The following KRT13 variants were observed in gnomAD, a reference collection of about 807,000 sequenced individuals.
KRT13 encodes keratin 13, also known as keratin, type I cytoskeletal 13.
In KRT13, 27 loss-of-function variants were observed where a neutral mutation model predicts 40.6. The observed-to-expected ratio is 0.67, with a 90% CI of 0.49 to 0.92. The LOEUF (loss-of-function observed/expected upper bound fraction) is 0.92. KRT13 is among the 40% of genes least tolerant of loss of function. The pLI, the probability that KRT13 is intolerant of heterozygous loss-of-function variation, is 0.00. For synonymous variants in KRT13, 266 were observed against 240.3 expected, an observed-to-expected ratio of 1.11 and a Z score of -0.99; for missense variants, 605 against 611.5, an observed-to-expected ratio of 0.99 and a Z score of 0.11.
In KRT13 at chr17:41,502,828, G is replaced by A. The variant is rs867148482; in HGVS notation, c.898-16C>T. 1 of 1,614,184 alleles carries A rather than the reference G, an allele frequency of 6.2e-7. No homozygotes were observed. The highest frequency in any genetic ancestry group is 2.2e-5 in the East Asian group (1 of 44,882). ...GCTCTGCACTCTGAAATGCAAGCAG[G>A]AAGAAGGTGGTGGGGAAGCTCAGCT... On this transcript the variant is annotated splice_polypyrimidine_tract_variant and intron_variant, in intron 4 of 7. Coordinates refer to ENST00000246635, the MANE Select transcript of KRT13 (RefSeq NM_153490.3).
rs886295292 is a variant in KRT13, at chr17:41,501,271, A to G, written c.1362T>C (p.Asp454=). The change falls in exon 8 of 8, where the codon GAT becomes GAC. Residue 454 remains aspartate (D), a synonymous_variant. Transcript: ENST00000246635. ...CCAGGCAGATTTAAGGCCTACGGACATCAGAAGTGCGGCGACCAGAGGCAT... is the reference window on the plus strand; with the variant it reads ...CCAGGCAGATTTAAGGCCTACGGACGTCAGAAGTGCGGCGACCAGAGGCAT... ...TSNASGRRTS[D]VRRP 2 of 1,566,240 alleles carry G rather than the reference A, an allele frequency of 1.3e-6. No individual in the cohort carries two copies. Among genetic ancestry groups the G allele is most frequent in the Non-Finnish European group, 1.7e-6 (2 of 1,154,600 alleles).
chr17:41,505,161 A>G lies in KRT13; in HGVS notation c.390T>C (p.Ala130=). 1 of 1,614,222 alleles carries G rather than the reference A, an allele frequency of 6.2e-7. No homozygotes were observed. Among genetic ancestry groups the G allele is most frequent in the Non-Finnish European group, 8.5e-7 (1 of 1,180,028 alleles). ...EKVRALEEAN[A]DLEVKIRDWH... is the part of the protein sequence containing the mutation. ...AGTCACGGATCTTCACCTCCAGGTCAGCGTTGGCCTCCTCCAGGGCGCGCA... is the reference window on the plus strand; with the variant it reads ...AGTCACGGATCTTCACCTCCAGGTCGGCGTTGGCCTCCTCCAGGGCGCGCA... The change falls in exon 1 of 8, where the codon GCT becomes GCC. Residue 130 remains alanine (A), a synonymous_variant. Coordinates refer to ENST00000246635, the MANE Select transcript of KRT13 (RefSeq NM_153490.3).
Position 41,502,614 on chromosome 17 carries a change from G to T in KRT13, c.1024-20C>A. 6.2e-7 allele frequency: 1 copy of T among 1,613,268 alleles called. No homozygotes were observed. ...CGCTTTCTGGTGGAGCGACAGACAA[G>T]AAGTTACAGAGGGAGCCAGGCCAGA... On this transcript the variant is annotated intron_variant, in intron 5 of 7. Transcript: ENST00000246635.
At chr17:41,504,579 C>T (rs1332054932) in intron 1 of KRT13, 3 of 185,722 alleles carry the variant, frequency 1.6e-5, no homozygotes, top group Non-Finnish European at 2.3e-5. Flanking sequence ...TCGGCACTGC[C>T]TAAGCCTCTG....
In KRT13 at chr17:41,502,605, G is replaced by C. The variant is rs556542745; in HGVS notation, c.1024-11C>G. 1.2e-6 allele frequency: 2 copies of C among 1,613,238 alleles called. No individual in the cohort carries two copies. The highest frequency in any genetic ancestry group is 1.7e-6 in the Non-Finnish European group (2 of 1,180,024). ...CTCCAGCCCCGCTTTCTGGTGGAGCGACAGACAAGAAGTTACAGAGGGAGC... is the reference window on the plus strand; with the variant it reads ...CTCCAGCCCCGCTTTCTGGTGGAGCCACAGACAAGAAGTTACAGAGGGAGC... On this transcript the variant is annotated splice_polypyrimidine_tract_variant and intron_variant, in intron 5 of 7. Coordinates refer to ENST00000246635, the MANE Select transcript of KRT13 (RefSeq NM_153490.3).
At chr17:41,503,464 A>C in intron 2 of KRT13, 21 bp from the exon 3 acceptor site, 1 of 1,613,602 alleles carries the variant, frequency 6.2e-7, no homozygotes, top group Non-Finnish European at 8.5e-7. Flanking sequence ...AAAAAAATGA[A>C]ATGTTTTTTG....
At chr17:41,502,244 G>A (rs1904875364) in intron 6 of KRT13, 130 bp downstream of exon 6, 4 of 1,597,782 alleles carry the variant, frequency 2.5e-6, no homozygotes, top group African/African-American at 1.3e-5. Context: ...CCAAGGAAAT[G>A]TCCCCGTAAA....
chr17:41,502,808 G>A lies in KRT13; in HGVS notation c.902C>T (p.Ala301Val). Residue 301 changes from alanine to valine, a missense_variant, in exon 5 of 8, where the codon GCA becomes GTA. By Grantham distance (64) the Ala-to-Val change is moderately conservative. Transcript: ENST00000246635. The stretch of plus-strand genomic sequence containing the variant: ...GGTAGACACCTCCTTGTTCAGCTCT[G>A]CACTCTGAAATGCAAGCAGGAAGAA... The part of the protein sequence containing the change: ...DAEEWFHTKS[A>V]ELNKEVSTNT... The A allele has an allele frequency of 1.2e-6, 2 of 1,614,182 alleles. No individual in the cohort carries two copies. The highest frequency in any genetic ancestry group is 1.7e-6 in the Non-Finnish European group (2 of 1,180,046).
At position 41,501,371 on chromosome 17, in the gene KRT13, CAA is replaced by C. The variant is rs112485608; in HGVS notation, c.1271-11_1271-10del. 8.4e-6 allele frequency: 13 copies of C among 1,549,098 alleles called. No homozygotes were observed. Among genetic ancestry groups the C allele is most frequent in the African/African-American group, 8.2e-5 (6 of 73,524 alleles). ...ACGGGGGCTGACGCTTCCTGGGAAACAAGAGACAAGACATGCTCAGGCTGGAG... is the reference window on the plus strand; with the variant it reads ...ACGGGGGCTGACGCTTCCTGGGAAACGAGACAAGACATGCTCAGGCTGGAG... On this transcript the variant is annotated splice_polypyrimidine_tract_variant and intron_variant, in intron 7 of 7. Coordinates refer to ENST00000246635, the MANE Select transcript of KRT13 (RefSeq NM_153490.3).
In KRT13 at chr17:41,505,450, G is replaced by A; in HGVS notation, c.101C>T (p.Thr34Ile). The A allele has an allele frequency of 6.2e-7, 1 of 1,613,924 alleles. No homozygotes were observed. The highest frequency in any genetic ancestry group is 8.5e-7 in the Non-Finnish European group (1 of 1,179,842). ...GGGRGVSTCS[T>I]RFVSGGSAGG... Reference sequence around the variant, plus strand: ...AGCTGATCCCCCGGACACAAACCGAGTTGAACAGGTAGAGACACCACGGCC... The same window carrying A: ...AGCTGATCCCCCGGACACAAACCGAATTGAACAGGTAGAGACACCACGGCC... The change falls in exon 1 of 8, where the codon ACT becomes ATT. Residue 34 changes from threonine to isoleucine, a missense_variant. Physicochemically the swap from Thr to Ile is moderately conservative, Grantham distance 89. Coordinates refer to ENST00000246635, the MANE Select transcript of KRT13 (RefSeq NM_153490.3).
intron 7 of KRT13, 108 bp from the exon 8 acceptor site, chr17:41,501,470 G>A (rs937112573): frequency 3.3e-5 from 36 of 1,079,306 alleles, no homozygotes; most frequent in Non-Finnish European, 4.0e-5. Flanking sequence ...GGTGGTGCGT[G>A]GATGGAGACT....
At position 41,502,675 on chromosome 17, in the gene KRT13, C is replaced by T; in HGVS notation, c.1023+12G>A. The stretch of plus-strand genomic sequence containing the variant: ...GAGGTGGTCGCCACCGGGCAGGAGG[C>T]TGCAGGCATACCATGCTCAGCTGGG... On this transcript the variant is annotated intron_variant, in intron 5 of 7. Transcript: ENST00000246635. 2 of 1,613,826 alleles carry T rather than the reference C, an allele frequency of 1.2e-6. No individual in the cohort carries two copies. Among genetic ancestry groups the T allele is most frequent in the Non-Finnish European group, 1.7e-6 (2 of 1,180,038 alleles).
At position 41,503,434 on chromosome 17, in the gene KRT13, A is replaced by G; in HGVS notation, c.588T>C (p.Asn196=). ...CCACGCTCTGGCGCAGGGCCAGCTCATTCTCATACCTAAAATAGTAAAAAA... is the reference window on the plus strand; with the variant it reads ...CCACGCTCTGGCGCAGGGCCAGCTCGTTCTCATACCTAAAATAGTAAAAAA... ...AADDFRLKYE[N]ELALRQSVEA... Residue 196 remains asparagine, a synonymous_variant, in exon 3 of 8, where the codon AAT becomes AAC. Transcript: ENST00000246635. 6.2e-7 allele frequency: 1 copy of G among 1,614,168 alleles called. No homozygotes were observed. Among genetic ancestry groups the G allele is most frequent in the Non-Finnish European group, 8.5e-7 (1 of 1,179,992 alleles).
At chr17:41,503,129 G>C in intron 3 of KRT13, 31 bp from the exon 4 acceptor site, 1 of 1,612,214 alleles carries the variant, frequency 6.2e-7, no homozygotes, top group East Asian at 2.2e-5. Context: ...GATGTGTGAG[G>C]CTACTCATCC....
chr17:41,503,556 A>T, intron 2 of KRT13, 87 bp downstream of exon 2: 1 of 1,525,262 alleles, frequency 6.6e-7, no homozygotes, highest in Non-Finnish European at 9.1e-7. Context: ...CACTCCTGGG[A>T]TGCTCCAGTG....
At chr17:41,504,682 T>C (rs1270233221) in intron 1 of KRT13, 2 of 229,264 alleles carry the variant, frequency 8.7e-6, no homozygotes, top group South Asian at 7.1e-5. Context: ...GGGCAATGAA[T>C]GAACACGTCT....
chr17:41,503,784 C>T, intron 1 of KRT13, 59 bp from the exon 2 acceptor site: 1 of 1,299,384 alleles, frequency 7.7e-7, no homozygotes, highest in Non-Finnish European at 1.1e-6. Flanking sequence ...GTTGGCTTCC[C>T]TGGGCCACAT....
In KRT13 at chr17:41,505,423, C is replaced by G; in HGVS notation, c.128G>C (p.Gly43Ala). ...STRFVSGGSA[G>A]GYGGGVSCGF... is the part of the protein sequence containing the mutation. ...ACAGCTCACGCCGCCTCCATAGCCC[C>G]CAGCTGATCCCCCGGACACAAACCG... Residue 43 changes from glycine to alanine, a missense_variant, in exon 1 of 8, where the codon GGG becomes GCG. By Grantham distance (60) the Gly-to-Ala change is moderately conservative. Coordinates refer to ENST00000246635, the MANE Select transcript of KRT13 (RefSeq NM_153490.3). The G allele has an allele frequency of 1.2e-6, 2 of 1,613,684 alleles. No individual in the cohort carries two copies. Among genetic ancestry groups the G allele is most frequent in the South Asian group, 2.2e-5 (2 of 91,078 alleles).
In KRT13 at chr17:41,503,368, G is replaced by A. The variant is rs1050091893; in HGVS notation, c.654C>T (p.Leu218=). The A allele has an allele frequency of 6.2e-7, 1 of 1,614,254 alleles. No homozygotes were observed. The highest frequency in any genetic ancestry group is 8.5e-7 in the Non-Finnish European group (1 of 1,180,040). ...INGLRRVLDE[L]TLSKTDLEMQ... ...TCTCCAGGTCAGTCTTAGACAGAGT[G>A]AGCTCATCCAGCACCCGGCGCAGGC... is the stretch of plus-strand genomic sequence containing the variant. Residue 218 remains leucine, a synonymous_variant, in exon 3 of 8, where the codon CTC becomes CTT. Coordinates refer to ENST00000246635, the MANE Select transcript of KRT13 (RefSeq NM_153490.3).
Sources: allele counts gnomAD v4.1 joint callset, GRCh38; gene constraint gnomAD v4.1.1; transcripts MANE v1.5; gene names NCBI Gene and HGNC (gene_info 2026-07-23, HGNC 2026-07-21).